Variants in TMPRSS11A observed in about 807,000 individuals in gnomAD.
TMPRSS11A encodes transmembrane protease serine 11A.
TMPRSS11A carries 53 observed loss-of-function variants against 58.9 expected under a neutral mutation model. That is an observed-to-expected ratio of 0.90 (90% CI 0.72 to 1.13). TMPRSS11A has a LOEUF of 1.13. Among genes scored for constraint, TMPRSS11A ranks in the 50% most tolerant of loss-of-function variants. The pLI is 0.00. For missense variants in TMPRSS11A, 493 were observed against 499.3 expected, an observed-to-expected ratio of 0.99 and a Z score of 0.12; for synonymous variants, 167 against 169.8, an observed-to-expected ratio of 0.98 and a Z score of 0.13.
chr4:67,963,295 T>A, intron 1 of TMPRSS11A, 88 bp downstream of exon 1: 1 of 1,379,788 alleles, frequency 7.2e-7, no homozygotes, highest in Non-Finnish European at 1.0e-6. Flanking sequence ...CAAAGACACC[T>A]CACTAGCAGT....
At chr4:67,921,871 G>A (rs1720339727) in intron 7 of TMPRSS11A, among the ~76,000 whole-genome samples, 1 of 152,084 alleles carries the variant, frequency 6.6e-6, no homozygotes, top group Non-Finnish European at 1.5e-5. Flanking sequence ...TGTTATTACT[G>A]TAATAATTGG....
chr4:67,942,462 A>G (rs1720903823), intron 3 of TMPRSS11A, among the ~76,000 whole-genome samples: 2 of 152,230 alleles, frequency 1.3e-5, no homozygotes, highest in African/African-American at 2.4e-5. Flanking sequence ...CATCTGCTAG[A>G]GCCTTGATCA....
chr4:67,923,028 C>T (rs1720371879), intron 6 of TMPRSS11A, 102 bp from the exon 7 acceptor site: 4 of 1,036,360 alleles, frequency 3.9e-6, no homozygotes, highest in East Asian at 2.5e-5. Flanking sequence ...ACTACTCCTC[C>T]TGCCCAGGAC....
chr4:67,946,423 T>G, intron 2 of TMPRSS11A, 27 bp downstream of exon 2: 1 of 1,564,326 alleles, frequency 6.4e-7, no homozygotes, highest in Non-Finnish European at 8.6e-7. Flanking sequence ...TAAAATCAAA[T>G]AGAGTGAAAT....
intron 5 of TMPRSS11A, among the ~76,000 whole-genome samples, chr4:67,926,069 G>T (rs1720458598): frequency 6.6e-6 from 1 of 152,162 alleles, no homozygotes. Flanking sequence ...AATATTCAGG[G>T]CTCTATAGAC....
At chr4:67,944,966 G>T (rs1178111222) in intron 2 of TMPRSS11A, among the ~76,000 whole-genome samples, 3 of 152,132 alleles carry the variant, frequency 2.0e-5, no homozygotes, top group Admixed American at 1.3e-4. Context: ...GTAACTAGTA[G>T]GTGGCCTGTC....
intron 1 of TMPRSS11A, among the ~76,000 whole-genome samples, chr4:67,960,238 A>G (rs975257034): frequency 6.6e-6 from 1 of 152,258 alleles, no homozygotes; most frequent in African/African-American, 2.4e-5. Context: ...GGTGCAATAT[A>G]TCTATGTAAC....
rs1399253854 is a variant in TMPRSS11A, at chr4:67,909,804, T to C, written c.*1538A>G. ...ATAGTTAAGAATATACTCATATTCT[T>C]AAACATAACATAAGTATATTGGCCT... On this transcript the variant is annotated 3_prime_UTR_variant, in exon 10 of 10. Coordinates refer to ENST00000508048, the MANE Select transcript of TMPRSS11A (RefSeq NM_001114387.2). 6.6e-6 allele frequency: 1 copy of C among 152,140 alleles called. No homozygotes were observed. Among genetic ancestry groups the C allele is most frequent in the Non-Finnish European group, 1.5e-5 (1 of 67,954 alleles). 9.4% of individuals were successfully genotyped at this position (152,140 alleles called of 1,614,324 possible).
intron 5 of TMPRSS11A, among the ~76,000 whole-genome samples, chr4:67,925,860 G>A (rs1428005003): frequency 1.3e-5 from 2 of 152,156 alleles, no homozygotes; most frequent in African/African-American, 2.4e-5. Context: ...TATAATGGTC[G>A]TGAATATAAC....
At position 67,922,650 on chromosome 4, in the gene TMPRSS11A, T is replaced by C. The variant is rs564549306; in HGVS notation, c.692+105A>G. The C allele has an allele frequency of 1.9e-5, 22 of 1,133,186 alleles. No individual in the cohort carries two copies. In the African/African-American group the frequency reaches 3.1e-4, roughly 16 times the overall value. The allele number at this position is 1,133,186 out of a possible 1,614,324, so 70.2% of individuals were successfully genotyped here. A position where few individuals can be genotyped will look rare whatever the true frequency, so the allele number is the denominator to read the frequency against. On this transcript the variant is annotated intron_variant, in intron 7 of 9. Coordinates refer to ENST00000508048, the MANE Select transcript of TMPRSS11A (RefSeq NM_001114387.2). ...GAAAAGAACCTGAAATAACTTTTTC[T>C]TATTTTACTTCAGTAATATTTGAGA... is the stretch of plus-strand genomic sequence containing the variant.
At chr4:67,916,482 C>T (rs1251931533) in intron 8 of TMPRSS11A, among the ~76,000 whole-genome samples, 2 of 149,734 alleles carry the variant, frequency 1.3e-5, no homozygotes, top group Admixed American at 6.6e-5. Flanking sequence ...TACACACACA[C>T]ACACACACAC....
rs145114333 is a variant in TMPRSS11A at position 67,910,987 on chromosome 4, A to G, written c.*355T>C. On this transcript the variant is annotated 3_prime_UTR_variant, in exon 10 of 10. Coordinates refer to ENST00000508048, the MANE Select transcript of TMPRSS11A (RefSeq NM_001114387.2). ...GTTTCTTGAACACTTTGTGAGTTCA[A>G]AAAGTTTCTCAGTTAAAAGGAGACC... is the stretch of plus-strand genomic sequence containing the variant. 3.5e-4 allele frequency: 58 copies of G among 166,552 alleles called. No homozygotes were observed. The East Asian group carries it at 8.9e-3, about 26-fold the overall frequency. 10.3% of individuals were successfully genotyped at this position (166,552 alleles called of 1,614,324 possible).
chr4:67,944,751 A>C (rs1720961953), intron 2 of TMPRSS11A, 114 bp from the exon 3 acceptor site: 1 of 794,102 alleles, frequency 1.3e-6, no homozygotes, highest in African/African-American at 1.8e-5. Context: ...TTCATAATTG[A>C]GTTTTATTTA....
At chr4:67,946,660 G>A in intron 1 of TMPRSS11A, 89 bp from the exon 2 acceptor site, 1 of 1,343,068 alleles carries the variant, frequency 7.4e-7, no homozygotes, top group Non-Finnish European at 9.9e-7. Flanking sequence ...AGTTGCTGTA[G>A]CCTACCTTTC....
intron 8 of TMPRSS11A, among the ~76,000 whole-genome samples, chr4:67,915,547 C>T (rs1051982817): frequency 3.3e-5 from 5 of 152,036 alleles, no homozygotes; most frequent in African/African-American, 7.3e-5. Context: ...TTTACAGATG[C>T]GATTAAGACC....
In TMPRSS11A at chr4:67,922,898, G is replaced by A. The variant is rs139180713; in HGVS notation, c.549C>T (p.Asn183=). The A allele has an allele frequency of 4.5e-5, 73 of 1,614,096 alleles. No homozygotes were observed. The African/African-American group carries it at 7.1e-4, about 16-fold the overall frequency. Residue 183 remains asparagine, a synonymous_variant, in exon 7 of 10, where the codon AAC becomes AAT. Coordinates refer to ENST00000508048, the MANE Select transcript of TMPRSS11A (RefSeq NM_001114387.2). ...ASCGKRVVPL[N]VNRIASGVIA... ...TGACTCCAGATGCTATTCTGTTGAC[G>A]TTTAATGGAACAACTCGTTTACCAC...
At chr4:67,918,223 T>C (rs1261333079) in intron 8 of TMPRSS11A, among the ~76,000 whole-genome samples, 1 of 152,202 alleles carries the variant, frequency 6.6e-6, no homozygotes, top group Admixed American at 6.5e-5. Context: ...GCTTTTGTTA[T>C]ACATATGTAC....
intron 6 of TMPRSS11A, 51 bp from the exon 7 acceptor site, chr4:67,922,977 G>T: frequency 6.4e-7 from 1 of 1,573,052 alleles, no homozygotes; most frequent in Non-Finnish European, 8.7e-7. Flanking sequence ...GTAATTACAG[G>T]AAATGACCCC....
intron 7 of TMPRSS11A, 87 bp downstream of exon 7, chr4:67,922,668 A>T: frequency 7.7e-7 from 1 of 1,294,334 alleles, no homozygotes; most frequent in Non-Finnish European, 1.1e-6. Flanking sequence ...CTTCAGTAAT[A>T]TTTGAGACAT....
Sources: allele counts gnomAD v4.1 joint callset (sites outside exome capture counted in the v4.1 genomes callset), GRCh38; gene constraint gnomAD v4.1.1; transcripts MANE v1.5; gene names NCBI Gene and HGNC (gene_info 2026-07-23, HGNC 2026-07-21).